PGBD2: variants seen among roughly 807,000 people sequenced by gnomAD.
PGBD2 encodes piggyBac transposable element derived 2.
PGBD2 carries 6 observed loss-of-function variants against 8.1 expected under a neutral mutation model. That is an observed-to-expected ratio of 0.74 (90% CI 0.40 to 1.46). The LOEUF is 1.46. PGBD2 is among the 40% of genes most tolerant of loss of function. The pLI is 0.02. For synonymous variants in PGBD2, 318 were observed against 272.2 expected, an observed-to-expected ratio of 1.17 and a Z score of -1.66; for missense variants, 802 against 739.0, an observed-to-expected ratio of 1.09 and a Z score of -0.99.
At chr1:248,909,610 A>T (rs1661790218) in intron 1 of PGBD2, among the ~76,000 whole-genome samples, 1 of 152,104 alleles carries the variant, frequency 6.6e-6, no homozygotes, top group Non-Finnish European at 1.5e-5. Flanking sequence ...CCTTTTGGGG[A>T]TACAGAGGTG....
At chr1:248,878,539 G>C in the PGBD2 span, among the ~76,000 whole-genome samples, 1 of 152,080 alleles carries the variant, frequency 6.6e-6, no homozygotes, top group African/African-American at 2.4e-5. Context: ...CTCTTATAAA[G>C]ACTTTCTCTC....
chr1:248,922,926 C>G (rs1386235197), downstream of PGBD2, among the ~76,000 whole-genome samples: 1 of 152,080 alleles, frequency 6.6e-6, no homozygotes, highest in Non-Finnish European at 1.5e-5. Context: ...TTCTTTCTTT[C>G]TTGTGTCTCT....
the PGBD2 span, among the ~76,000 whole-genome samples, chr1:248,874,313 C>T: frequency 9.2e-5 from 14 of 152,254 alleles, no homozygotes; most frequent in South Asian, 1.0e-3. Flanking sequence ...GATTCCCGGT[C>T]AGGAAAGTAA....
At chr1:248,914,504 G>A in intron 2 of PGBD2, 1 of 1,289,234 alleles carries the variant, frequency 7.8e-7, no homozygotes, top group Non-Finnish European at 1.0e-6. Flanking sequence ...CAGTCTCCAG[G>A]AAGTGAGGTT....
downstream of PGBD2, among the ~76,000 whole-genome samples, chr1:248,923,222 T>C (rs965572205): frequency 1.3e-5 from 2 of 152,234 alleles, no homozygotes; most frequent in African/African-American, 2.4e-5. Context: ...TTGTTTCTTC[T>C]AGATTTTCTA....
the PGBD2 span, among the ~76,000 whole-genome samples, chr1:248,889,029 A>G: frequency 2.0e-5 from 3 of 151,742 alleles, no homozygotes; most frequent in African/African-American, 7.3e-5. Context: ...ATGCATTCTA[A>G]GTGTTTCTTA....
At chr1:248,875,308 CAA>C in the PGBD2 span, among the ~76,000 whole-genome samples, 11,594 of 110,554 alleles carry the variant, frequency 0.1, 222 homozygotes, top group East Asian at 0.21. Flanking sequence ...AAAAACAAAA[CAA>C]AAAAAAAAAA....
chr1:248,874,372 A>G, the PGBD2 span, among the ~76,000 whole-genome samples: 147 of 152,324 alleles, frequency 9.7e-4, 1 homozygote, highest in Middle Eastern at 0.014. Flanking sequence ...TGATGTTCCC[A>G]GAGTCAGCTA....
the PGBD2 span, among the ~76,000 whole-genome samples, chr1:248,885,856 A>G: frequency 1.3e-5 from 2 of 152,216 alleles, no homozygotes; most frequent in East Asian, 1.9e-4. Flanking sequence ...AACCTGCTAC[A>G]CATGCAAATA....
At chr1:248,930,129 G>A in the PGBD2 span, among the ~76,000 whole-genome samples, 1 of 152,204 alleles carries the variant, frequency 6.6e-6, no homozygotes, top group Non-Finnish European at 1.5e-5. Flanking sequence ...TTTTATAAAA[G>A]CATCCCTTCC....
chr1:248,905,873 C>T (rs1322523841), upstream of PGBD2, among the ~76,000 whole-genome samples: 1 of 152,226 alleles, frequency 6.6e-6, no homozygotes, highest in African/African-American at 2.4e-5. Context: ...GTTTCTTACT[C>T]AGAAGGCCTG....
chr1:248,895,647 T>G, the PGBD2 span, among the ~76,000 whole-genome samples: 1 of 152,082 alleles, frequency 6.6e-6, no homozygotes, highest in Non-Finnish European at 1.5e-5. Context: ...ACTAAGATTT[T>G]GGTACCTGAG....
At chr1:248,882,308 G>A in the PGBD2 span, among the ~76,000 whole-genome samples, 26 of 152,262 alleles carry the variant, frequency 1.7e-4, no homozygotes, top group Admixed American at 1.5e-3. Context: ...ACATGGGGAT[G>A]AAGTAATTCT....
At chr1:248,923,623 T>A (rs1572285629), downstream of PGBD2, among the ~76,000 whole-genome samples, 3 of 152,244 alleles carry the variant, frequency 2.0e-5, no homozygotes, top group African/African-American at 7.2e-5. Context: ...AAAAACACTC[T>A]AGTGTTCTAG....
chr1:248,930,047 C>G, the PGBD2 span, among the ~76,000 whole-genome samples: 1 of 152,216 alleles, frequency 6.6e-6, no homozygotes, highest in Admixed American at 6.5e-5. Flanking sequence ...AGCTTCCTGT[C>G]TGCTCCCTGT....
the PGBD2 span, among the ~76,000 whole-genome samples, chr1:248,884,610 A>T: frequency 6.6e-6 from 1 of 152,144 alleles, no homozygotes; most frequent in Non-Finnish European, 1.5e-5. Flanking sequence ...ATAGTTTTTT[A>T]AAAACACATT....
At chr1:248,906,477 G>C (rs1041675841) in intron 1 of PGBD2, 135 bp downstream of exon 1, 3 of 151,822 alleles carry the variant, frequency 2.0e-5, no homozygotes, top group Non-Finnish European at 2.9e-5. Flanking sequence ...GTGGGCTGGC[G>C]GGACCAGGAC....
intron 1 of PGBD2, among the ~76,000 whole-genome samples, chr1:248,909,260 GA>G (rs1661779086): frequency 6.6e-6 from 1 of 152,144 alleles, no homozygotes; most frequent in Non-Finnish European, 1.5e-5. Flanking sequence ...ACAGACTCCT[GA>G]AAGGTAGAAT....
chr1:248,881,684 G>C, the PGBD2 span, among the ~76,000 whole-genome samples: 1 of 152,130 alleles, frequency 6.6e-6, no homozygotes, highest in African/African-American at 2.4e-5. Context: ...GCTCCTGTTT[G>C]TTTTTAAGAC....
Sources: allele counts gnomAD v4.1 joint callset (sites outside exome capture counted in the v4.1 genomes callset), GRCh38; gene constraint gnomAD v4.1.1; transcripts MANE v1.5; gene names NCBI Gene and HGNC (gene_info 2026-07-23, HGNC 2026-07-21).